DLG2: variants seen among roughly 807,000 people sequenced by gnomAD.
DLG2 encodes the protein disks large homolog 2.
Under a neutral mutation model 132.5 loss-of-function variants are expected in DLG2, and 45 were observed. The ratio of observed to expected loss-of-function variants is 0.34; its 90% confidence interval spans 0.27 to 0.44. The LOEUF (loss-of-function observed/expected upper bound fraction) is 0.44, where lower values mean the gene tolerates loss of function less well. Among genes scored for constraint, DLG2 ranks in the 20% least tolerant of loss-of-function variants. The pLI is 1.00. For missense variants in DLG2, 1,045 were observed against 1,196.9 expected (o/e 0.87, Z 1.87); for synonymous variants, 424 against 419.6 (o/e 1.01, Z -0.13).
At chr11:85,152,267 G>A (rs1231515768) in intron 5 of DLG2, among the ~76,000 whole-genome samples, 1 of 149,642 alleles carries the variant, frequency 6.7e-6, no homozygotes, top group Non-Finnish European at 1.5e-5. Flanking sequence ...TTGAGATGGA[G>A]TCTTTCCCTG....
chr11:84,288,775 G>C (rs1042200810), intron 7 of DLG2, among the ~76,000 whole-genome samples: 6 of 152,116 alleles, frequency 3.9e-5, no homozygotes, highest in African/African-American at 9.7e-5. Flanking sequence ...ACAGACAATG[G>C]ATTCCACCAA....
chr11:83,625,509 A>G (rs1308811539), intron 19 of DLG2, among the ~76,000 whole-genome samples: 1 of 152,198 alleles, frequency 6.6e-6, no homozygotes, highest in Admixed American at 6.5e-5. Flanking sequence ...ACCAAAATCA[A>G]TCAGGTGGGA....
chr11:84,006,328 G>C (rs1479540142), intron 11 of DLG2, among the ~76,000 whole-genome samples: 3 of 151,488 alleles, frequency 2.0e-5, no homozygotes, highest in Non-Finnish European at 4.4e-5. Flanking sequence ...TAAGTTAATG[G>C]GTGCAAATAC....
chr11:83,957,673 C>A lies in DLG2; in HGVS notation c.1340+5212G>T, dbSNP rs545979540. On this transcript the variant is annotated intron_variant, in intron 14 of 27. Coordinates refer to ENST00000376104, the MANE Select transcript of DLG2 (RefSeq NM_001142699.3). ...CTTTCTCATTACCTGTGAAGTCCTA[C>A]TTCTGCTTCCTGCTTCCTTATCTAA... Among the ~76,000 whole-genome samples the A allele has an allele frequency of 3.9e-5, 6 of 152,032 alleles. No individual in the cohort carries two copies. The South Asian group carries it at 1.2e-3, about 32-fold the overall frequency.
chr11:83,997,848 G>GAGAATATTGA (rs1246990141), intron 11 of DLG2, among the ~76,000 whole-genome samples: 2 of 147,978 alleles, frequency 1.4e-5, no homozygotes, highest in Non-Finnish European at 3.0e-5. Context: ...TTTAGATACT[G>GAGAATATTGA]AGAATATTGA....
chr11:85,008,167 A>G (rs1014495095), intron 6 of DLG2, among the ~76,000 whole-genome samples: 10 of 151,338 alleles, frequency 6.6e-5, no homozygotes, highest in South Asian at 6.2e-4. Context: ...TCAAGAGTAT[A>G]TAAAACTTTT....
intron 7 of DLG2, among the ~76,000 whole-genome samples, chr11:84,447,839 A>G (rs2099039994): frequency 6.6e-6 from 1 of 152,148 alleles, no homozygotes; most frequent in Non-Finnish European, 1.5e-5. Context: ...ATTTTCTTAC[A>G]GCAGAAAAAT....
chr11:84,492,464 C>G (rs558980704), intron 7 of DLG2, among the ~76,000 whole-genome samples: 19 of 152,142 alleles, frequency 1.2e-4, no homozygotes, highest in Non-Finnish European at 2.1e-4. Flanking sequence ...CAATTAAGGA[C>G]TGAGGCTTTG....
intron 7 of DLG2, among the ~76,000 whole-genome samples, chr11:84,252,513 A>G (rs2097399367): frequency 6.6e-6 from 1 of 152,186 alleles, no homozygotes; most frequent in African/African-American, 2.4e-5. Context: ...AATATGACAG[A>G]AAATCATATT....
Position 85,155,050 on chromosome 11 carries a change from G to A in DLG2, c.187-399C>T, listed in dbSNP as rs556638035. ...GCTATTGGAGCTCTCAGAACTAGCA[G>A]TGGCATTGACTGCCTTTGCTTTGGG... On this transcript the variant is annotated intron_variant, in intron 4 of 27. Coordinates refer to ENST00000376104, the MANE Select transcript of DLG2 (RefSeq NM_001142699.3). 1.2e-4 allele frequency among the ~76,000 whole-genome samples: 19 copies of A among 152,332 alleles called. No homozygotes were observed. The South Asian group carries it at 3.9e-3, about 32-fold the overall frequency.
chr11:84,175,733 C>T (rs988307377), intron 8 of DLG2, among the ~76,000 whole-genome samples: 7 of 152,146 alleles, frequency 4.6e-5, no homozygotes, highest in Admixed American at 4.6e-4. Context: ...TATAGAGCCA[C>T]ATCACCCTGC....
intron 6 of DLG2, among the ~76,000 whole-genome samples, chr11:84,643,444 C>T (rs1388934093): frequency 6.6e-6 from 1 of 152,120 alleles, no homozygotes; most frequent in Admixed American, 6.5e-5. Flanking sequence ...AGGTGTTACC[C>T]CAGTTTCCTC....
intron 4 of DLG2, among the ~76,000 whole-genome samples, chr11:85,214,010 C>A (rs1206710503): frequency 6.6e-6 from 1 of 152,124 alleles, no homozygotes; most frequent in East Asian, 1.9e-4. Flanking sequence ...CTGCATCTTA[C>A]CTGCTCCTTT....
At chr11:85,129,130 T>C (rs1594648653) in intron 5 of DLG2, among the ~76,000 whole-genome samples, 1 of 152,338 alleles carries the variant, frequency 6.6e-6, no homozygotes, top group East Asian at 1.9e-4. Context: ...TCAGAAGTGA[T>C]ATCTGTGACA....
intron 6 of DLG2, among the ~76,000 whole-genome samples, chr11:84,873,663 A>G (rs1316826597): frequency 6.6e-6 from 1 of 152,226 alleles, no homozygotes; most frequent in Non-Finnish European, 1.5e-5. Flanking sequence ...ATCATCACTC[A>G]GGAATTTTGT....
At chr11:83,925,766 A>G (rs949937472) in intron 15 of DLG2, among the ~76,000 whole-genome samples, 9 of 152,156 alleles carry the variant, frequency 5.9e-5, no homozygotes, top group Admixed American at 5.2e-4. Flanking sequence ...CCTTTTATGT[A>G]AAAGGACAAA....
chr11:85,312,942 G>A (rs887737658), intron 3 of DLG2, among the ~76,000 whole-genome samples: 2 of 151,890 alleles, frequency 1.3e-5, no homozygotes, highest in African/African-American at 4.8e-5. Flanking sequence ...AACTATGGCA[G>A]AGATTTCTAG....
intron 4 of DLG2, among the ~76,000 whole-genome samples, chr11:85,247,173 T>C (rs2076176291): frequency 6.6e-6 from 1 of 152,082 alleles, no homozygotes; most frequent in African/African-American, 2.4e-5. Flanking sequence ...TGGGATACAA[T>C]ATAAGCGTAG....
At chr11:85,187,168 C>T (rs114729870) in intron 4 of DLG2, among the ~76,000 whole-genome samples, 118 of 151,970 alleles carry the variant, frequency 7.8e-4, no homozygotes, top group African/African-American at 2.7e-3. Context: ...AAACACTGGC[C>T]CAGGGGGGAA....
Sources: allele counts gnomAD v4.1 joint callset (sites outside exome capture counted in the v4.1 genomes callset), GRCh38; gene constraint gnomAD v4.1.1; transcripts MANE v1.5; gene names NCBI Gene and HGNC (gene_info 2026-07-23, HGNC 2026-07-21).